The following CNBD2 variants were observed in gnomAD, a reference collection of about 807,000 sequenced individuals.
The protein encoded by CNBD2 is cyclic nucleotide binding domain containing 2.
Under a neutral mutation model 63.7 loss-of-function variants are expected in CNBD2, and 64 were observed. The ratio of observed to expected loss-of-function variants is 1.00; its 90% confidence interval spans 0.82 to 1.24. The LOEUF is 1.24. Among genes scored for constraint, CNBD2 ranks in the 50% most tolerant of loss-of-function variants. The probability of loss-of-function intolerance (pLI) is 0.00; values close to 1 mark genes in which losing one functional copy is unlikely to be tolerated. For synonymous variants in CNBD2, 229 were observed against 255.4 expected, an observed-to-expected ratio of 0.90 and a Z score of 0.99; for missense variants, 691 against 713.5, an observed-to-expected ratio of 0.97 and a Z score of 0.36.
chr20:36,000,289 G>GGC (rs2056878090), intron 8 of CNBD2, among the ~76,000 whole-genome samples: 1 of 135,618 alleles, frequency 7.4e-6, no homozygotes, highest in Non-Finnish European at 1.5e-5. Flanking sequence ...TTGCATTAAA[G>GGC]TCTTTTTTGA....
chr20:35,954,438 C>T (rs35694954), upstream of CNBD2: 3,350 of 1,549,688 alleles, frequency 2.2e-3, 46 homozygotes, highest in East Asian at 0.041. Context: ...CGAGAGTGTG[C>T]GGAGCTTACC....
downstream of CNBD2, among the ~76,000 whole-genome samples, chr20:35,957,445 G>A (rs1335246224): frequency 6.6e-6 from 1 of 152,040 alleles, no homozygotes; most frequent in Non-Finnish European, 1.5e-5. Flanking sequence ...AAAATTAGCT[G>A]GGCTCGGTGG....
chr20:36,015,715 C>T (rs2057124441), intron 10 of CNBD2, among the ~76,000 whole-genome samples: 1 of 152,106 alleles, frequency 6.6e-6, no homozygotes, highest in Non-Finnish European at 1.5e-5. Context: ...CAAAATAAAG[C>T]AGTGTTGGAT....
intron 7 of CNBD2, among the ~76,000 whole-genome samples, chr20:35,994,046 A>AT (rs1195243386): frequency 1.4e-5 from 2 of 147,034 alleles, no homozygotes; most frequent in Admixed American, 6.7e-5. Context: ...TGCCCGGCTA[A>AT]TTTTGTTTTT....
At chr20:35,975,449 C>T (rs1442414575) in intron 2 of CNBD2, among the ~76,000 whole-genome samples, 10 of 101,184 alleles carry the variant, frequency 9.9e-5, no homozygotes, top group African/African-American at 2.2e-4. Context: ...TACAGGCGCC[C>T]GCTACCACGC....
chr20:35,989,374 T>C (rs896653763), intron 7 of CNBD2, among the ~76,000 whole-genome samples: 43 of 152,202 alleles, frequency 2.8e-4, no homozygotes, highest in African/African-American at 9.9e-4. Context: ...TGGTTTTCTC[T>C]CTTTATAGAT....
chr20:36,001,471 G>T (rs1398972272), intron 8 of CNBD2, among the ~76,000 whole-genome samples: 1 of 151,054 alleles, frequency 6.6e-6, no homozygotes, highest in East Asian at 2.0e-4. Flanking sequence ...CCTCCCAGAC[G>T]GGGCGGCTGG....
At chr20:36,012,927 T>C (rs1464361343) in intron 10 of CNBD2, among the ~76,000 whole-genome samples, 2 of 151,198 alleles carry the variant, frequency 1.3e-5, no homozygotes, top group Admixed American at 6.6e-5. Flanking sequence ...AAAAACACTA[T>C]AGAGATAGTA....
chr20:36,020,377 G>A (rs979999965), intron 10 of CNBD2, among the ~76,000 whole-genome samples: 4 of 152,172 alleles, frequency 2.6e-5, no homozygotes, highest in East Asian at 3.9e-4. Context: ...CACTGCGCCC[G>A]GCCGATGTTG....
chr20:35,984,147 A>C lies in CNBD2; in HGVS notation c.564+9A>C, dbSNP rs2056634537. On this transcript the variant is annotated intron_variant, in intron 5 of 11. Transcript: ENST00000373973. Reference sequence around the variant, plus strand: ...AGGGTAGCTGTTTTGGGGTAAGCCCAGGGGAAGGACCCAGTTTCCTGGGGT... The same window carrying C: ...AGGGTAGCTGTTTTGGGGTAAGCCCCGGGGAAGGACCCAGTTTCCTGGGGT... The C allele has an allele frequency of 6.3e-7, 1 of 1,588,270 alleles. No individual in the cohort carries two copies. The highest frequency in any genetic ancestry group is 2.2e-5 in the East Asian group (1 of 44,806).
chr20:35,984,676 T>C lies in CNBD2; in HGVS notation c.614T>C (p.Met205Thr), dbSNP rs957346583. 2.5e-6 allele frequency: 4 copies of C among 1,614,122 alleles called. No individual in the cohort carries two copies. The highest frequency in any genetic ancestry group is 3.4e-6 in the Non-Finnish European group (4 of 1,180,048). The part of the protein sequence containing the change: ...ASVRRSTIVC[M>T]EETEFLVVDR... ...GTGAGGAGGTCCACCATCGTCTGTA[T>C]GGAAGAAACGGAGTTCCTGGTTGTT... is the stretch of plus-strand genomic sequence containing the variant. The change falls in exon 6 of 12, where the codon ATG (methionine) becomes ACG (threonine). Residue 205 changes from methionine to threonine, a missense_variant. Coordinates refer to ENST00000373973, the MANE Select transcript of CNBD2 (RefSeq NM_001365709.1).
chr20:36,018,622 A>C (rs2057167082), intron 10 of CNBD2, among the ~76,000 whole-genome samples: 1 of 152,050 alleles, frequency 6.6e-6, no homozygotes, highest in Non-Finnish European at 1.5e-5. Context: ...TGGGAGTAGC[A>C]GTGTGGAGCT....
chr20:35,970,796 AC>A (rs1194684423), intron 1 of CNBD2, among the ~76,000 whole-genome samples: 1 of 151,976 alleles, frequency 6.6e-6, no homozygotes, highest in Non-Finnish European at 1.5e-5. Context: ...GCTCATTGCA[AC>A]CTTGAACTCC....
Position 35,980,523 on chromosome 20 carries a change from A to T in CNBD2, c.308A>T (p.Glu103Val). The T allele has an allele frequency of 6.2e-7, 1 of 1,614,174 alleles. No homozygotes were observed. Among genetic ancestry groups the T allele is most frequent in the Non-Finnish European group, 8.5e-7 (1 of 1,179,984 alleles). Reference sequence around the variant, plus strand: ...AAGCCTTCCTGGAGAACAGAGGATGAGATCCAGGCCGTCTGTAACATCTTG... The same window carrying T: ...AAGCCTTCCTGGAGAACAGAGGATGTGATCCAGGCCGTCTGTAACATCTTG... ...QKKPSWRTED[E>V]IQAVCNILQV... The change falls in exon 4 of 12, where the codon GAG (glutamate) becomes GTG (valine). Residue 103 changes from glutamate to valine, a missense_variant. Coordinates refer to ENST00000373973, the MANE Select transcript of CNBD2 (RefSeq NM_001365709.1).
At chr20:36,006,843 A>G (rs1164292478) in intron 8 of CNBD2, among the ~76,000 whole-genome samples, 2 of 151,964 alleles carry the variant, frequency 1.3e-5, no homozygotes, top group African/African-American at 4.8e-5. Context: ...GCAACCACTG[A>G]TTTGTTTTCT....
At position 35,980,552 on chromosome 20, in the gene CNBD2, G is replaced by C. The variant is rs1057274486; in HGVS notation, c.337G>C (p.Val113Leu). The C allele has an allele frequency of 6.8e-6, 11 of 1,614,178 alleles. No homozygotes were observed. Among genetic ancestry groups the C allele is most frequent in the Non-Finnish European group, 9.3e-6 (11 of 1,180,040 alleles). ...EIQAVCNILQ[V>L]LDSYRNYAEP... ...CCAGGCCGTCTGTAACATCTTGCAG[G>C]TTCTGGATAGCTATCGGAACTACGC... is the stretch of plus-strand genomic sequence containing the variant. The change falls in exon 4 of 12, where the codon GTT becomes CTT. Residue 113 changes from valine (V) to leucine (L), a missense_variant. Physicochemically the swap from Val to Leu is conservative, Grantham distance 32 (BLOSUM62 1). Coordinates refer to ENST00000373973, the MANE Select transcript of CNBD2 (RefSeq NM_001365709.1).
Position 36,008,301 on chromosome 20 carries a change from C to G in CNBD2, c.975C>G (p.Tyr325Ter), listed in dbSNP as rs2057011365. The change falls in exon 9 of 12, where the codon TAC becomes TAG. Residue 325 changes from tyrosine (Y) to a stop codon, truncating the protein, a stop_gained. Coordinates refer to ENST00000373973, the MANE Select transcript of CNBD2 (RefSeq NM_001365709.1). LOFTEE classifies it high-confidence loss of function. Reference sequence around the variant, plus strand: ...TTCCTGTGCTTTCTCTAACAGAATACTCTCCTATGGAAAGATTTAAGGAAT... The same window carrying G: ...TTCCTGTGCTTTCTCTAACAGAATAGTCTCCTATGGAAAGATTTAAGGAAT... ...GRPLKTHLSE[Y>*]SPMERFKEFQ... 2 of 1,606,524 alleles carry G rather than the reference C, an allele frequency of 1.2e-6. No individual in the cohort carries two copies. Among genetic ancestry groups the G allele is most frequent in the Non-Finnish European group, 1.7e-6 (2 of 1,177,184 alleles).
chr20:36,017,775 AG>A (rs2057154531), intron 10 of CNBD2, among the ~76,000 whole-genome samples: 1 of 152,140 alleles, frequency 6.6e-6, no homozygotes, highest in African/African-American at 2.4e-5. Flanking sequence ...TCATTCTTCA[AG>A]GGGCGTAATT....
At chr20:36,017,038 A>G (rs1367139005) in intron 10 of CNBD2, among the ~76,000 whole-genome samples, 1 of 149,514 alleles carries the variant, frequency 6.7e-6, no homozygotes, top group Non-Finnish European at 1.5e-5. Context: ...CAATCTGAAC[A>G]ATAGAATGAG....
Sources: allele counts gnomAD v4.1 joint callset (sites outside exome capture counted in the v4.1 genomes callset), GRCh38; gene constraint gnomAD v4.1.1; transcripts MANE v1.5; gene names NCBI Gene and HGNC (gene_info 2026-07-23, HGNC 2026-07-21).